Variants in NHS observed in about 807,000 individuals in gnomAD.
The protein encoded by NHS is actin remodeling regulator NHS.
Under a neutral mutation model 72.5 loss-of-function variants are expected in NHS, and 5 were observed. The observed-to-expected ratio is 0.07, with a 90% confidence interval of 0.04 to 0.14. The LOEUF (loss-of-function observed/expected upper bound fraction) is 0.14. Ranked by LOEUF, NHS falls within the 10% of genes least tolerant of loss-of-function variation. The probability of loss-of-function intolerance (pLI) is 1.00; values close to 1 mark genes in which losing one functional copy is unlikely to be tolerated. For synonymous variants in NHS, 464 were observed against 547.7 expected (o/e 0.85, Z 2.13); for missense variants, 1,072 against 1,355.7 (o/e 0.79, Z 3.29).
intron 1 of NHS, among the ~76,000 whole-genome samples, chrX:17,680,432 A>G (rs1295504732): frequency 2.7e-5 from 3 of 112,753 alleles, no homozygotes; most frequent in Non-Finnish European, 5.6e-5. Flanking sequence ...TGGCTTTCAC[A>G]GTGTTTTGAC....
intron 1 of NHS, among the ~76,000 whole-genome samples, chrX:17,579,450 C>T (rs753739023): frequency 9.1e-6 from 1 of 109,674 alleles, no homozygotes; most frequent in East Asian, 2.9e-4. Context: ...GGATTCCATT[C>T]TCTCTCTCTC....
intron 1 of NHS, chrX:17,586,436 C>T (rs1174288961): frequency 8.9e-6 from 1 of 112,207 alleles, no homozygotes; most frequent in Non-Finnish European, 1.9e-5. Context: ...TTATAGTCAC[C>T]ACAGAGCATT....
chrX:17,708,510 C>T (rs1385287416), intron 3 of NHS, among the ~76,000 whole-genome samples: 2 of 111,990 alleles, frequency 1.8e-5, no homozygotes, highest in Non-Finnish European at 3.8e-5. Context: ...GATACAAACA[C>T]GAATGAGACA....
At chrX:17,694,377 A>C (rs912145475) in intron 3 of NHS, among the ~76,000 whole-genome samples, 1 of 112,661 alleles carries the variant, frequency 8.9e-6, no homozygotes, top group Non-Finnish European at 1.9e-5. Context: ...ATATTGCTGA[A>C]AGACAAATGG....
At chrX:17,549,596 T>C (rs1008109890) in intron 1 of NHS, among the ~76,000 whole-genome samples, 4 of 111,948 alleles carry the variant, frequency 3.6e-5, no homozygotes, top group African/African-American at 1.3e-4. Flanking sequence ...GAGGATGCGC[T>C]GACCACAGAA....
At chrX:17,627,095 T>G (rs777923544) in intron 1 of NHS, among the ~76,000 whole-genome samples, 1 of 112,433 alleles carries the variant, frequency 8.9e-6, no homozygotes, top group Non-Finnish European at 1.9e-5. Flanking sequence ...TTGCTTAAGC[T>G]TTTAGCCAAT....
intron 1 of NHS, among the ~76,000 whole-genome samples, chrX:17,430,261 TTCTTTC>T (rs2064683902): frequency 7.9e-5 from 1 of 12,719 alleles, no homozygotes; most frequent in Non-Finnish European, 1.7e-4. Flanking sequence ...CTCTTTCTTT[TTCTTTC>T]TTTCTTTCTT....
At chrX:17,491,126 G>T (rs972961352) in intron 1 of NHS, among the ~76,000 whole-genome samples, 1 of 111,392 alleles carries the variant, frequency 9.0e-6, no homozygotes. Flanking sequence ...TTGCTTTCTT[G>T]TGCCTGATTG....
chrX:17,448,027 A>T (rs371844309), intron 1 of NHS, among the ~76,000 whole-genome samples: 5 of 111,376 alleles, frequency 4.5e-5, no homozygotes, highest in African/African-American at 1.6e-4. Context: ...TGTTGAACTG[A>T]TCTGTAAGAT....
At chrX:17,523,739 C>T (rs2065160861) in intron 1 of NHS, among the ~76,000 whole-genome samples, 1 of 111,867 alleles carries the variant, frequency 8.9e-6, no homozygotes, top group African/African-American at 3.2e-5. Flanking sequence ...AATAAAAGCC[C>T]AGTCTTGTCT....
At chrX:17,697,294 C>T (rs1460859767) in intron 3 of NHS, among the ~76,000 whole-genome samples, 3 of 110,946 alleles carry the variant, frequency 2.7e-5, no homozygotes, top group Non-Finnish European at 3.8e-5. Context: ...CCTGCCTCAC[C>T]ACCAAAACAA....
intron 1 of NHS, among the ~76,000 whole-genome samples, chrX:17,607,067 G>A (rs990489811): frequency 1.8e-5 from 2 of 111,673 alleles, no homozygotes; most frequent in Non-Finnish European, 3.8e-5. Context: ...CACTCAGGGA[G>A]TCTGGCTCCA....
At chrX:17,666,824 C>T (rs138839018) in intron 1 of NHS, among the ~76,000 whole-genome samples, 1 of 112,281 alleles carries the variant, frequency 8.9e-6, no homozygotes, top group Non-Finnish European at 1.9e-5. Flanking sequence ...ACCCTCCTAG[C>T]AGCACGCGAA....
At chrX:17,630,952 T>C (rs887157327) in intron 1 of NHS, among the ~76,000 whole-genome samples, 4 of 111,738 alleles carry the variant, frequency 3.6e-5, no homozygotes, top group African/African-American at 1.3e-4. Context: ...CTGAGTTCAG[T>C]GTTTGGTAAT....
At chrX:17,517,058 G>T (rs1330166067) in intron 1 of NHS, among the ~76,000 whole-genome samples, 3 of 112,125 alleles carry the variant, frequency 2.7e-5, no homozygotes, top group Non-Finnish European at 5.6e-5. Context: ...GGCGCCCCTT[G>T]AACACTCAGA....
At chrX:17,534,306 A>G (rs761837867) in intron 1 of NHS, among the ~76,000 whole-genome samples, 2 of 112,208 alleles carry the variant, frequency 1.8e-5, no homozygotes, top group East Asian at 5.6e-4. Flanking sequence ...GAAGAAGGTC[A>G]CAAGGAGGCC....
At chrX:17,681,956 C>A (rs2066131973) in intron 1 of NHS, among the ~76,000 whole-genome samples, 1 of 111,138 alleles carries the variant, frequency 9.0e-6, no homozygotes, top group Non-Finnish European at 1.9e-5. Context: ...TAGTGGGGAA[C>A]AAATCTGAAT....
intron 1 of NHS, among the ~76,000 whole-genome samples, chrX:17,587,950 C>G (rs185175309): frequency 8.9e-6 from 1 of 112,061 alleles, no homozygotes; most frequent in African/African-American, 3.2e-5. Context: ...GAGACTACAG[C>G]GGGATGGCTT....
intron 1 of NHS, among the ~76,000 whole-genome samples, chrX:17,415,092 T>C (rs1174550175): frequency 1.8e-5 from 2 of 111,272 alleles, no homozygotes; most frequent in Non-Finnish European, 3.8e-5. Context: ...GCTGAGCAGA[T>C]GACAAGTCTG....
Sources: allele counts gnomAD v4.1 joint callset (sites outside exome capture counted in the v4.1 genomes callset), GRCh38; gene constraint gnomAD v4.1.1; transcripts MANE v1.5; gene names NCBI Gene and HGNC (gene_info 2026-07-23, HGNC 2026-07-21).